Variants in MITF observed in about 807,000 individuals in gnomAD.
MITF encodes the protein microphthalmia-associated transcription factor.
A neutral mutation model predicts 60.5 loss-of-function variants in MITF; 17 were observed. That is an observed-to-expected ratio of 0.28 (90% CI 0.19 to 0.42). The LOEUF (loss-of-function observed/expected upper bound fraction) is 0.42, where lower values mean the gene tolerates loss of function less well. Among genes scored for constraint, MITF ranks in the 10% least tolerant of loss-of-function variants. MITF has a pLI of 1.00. For missense variants in MITF, 622 were observed against 683.5 expected, an observed-to-expected ratio of 0.91 and a Z score of 1.00; for synonymous variants, 260 against 248.5, an observed-to-expected ratio of 1.05 and a Z score of -0.43.
chr3:69,801,399 T>C (rs1164061464), intron 1 of MITF, among the ~76,000 whole-genome samples: 1 of 152,204 alleles, frequency 6.6e-6, no homozygotes, highest in Non-Finnish European at 1.5e-5. Context: ...ACTGTGACAA[T>C]GTCAAATCAA....
chr3:69,810,010 A>G (rs2063075465), intron 1 of MITF, among the ~76,000 whole-genome samples: 1 of 152,082 alleles, frequency 6.6e-6, no homozygotes. Flanking sequence ...TGAGGTGAGG[A>G]AGGATGTTGT....
At chr3:69,844,832 C>T (rs978700232) in intron 1 of MITF, among the ~76,000 whole-genome samples, 14 of 152,032 alleles carry the variant, frequency 9.2e-5, no homozygotes, top group Non-Finnish European at 1.6e-4. Flanking sequence ...CAATTTCACA[C>T]AAGTGTGTTT....
chr3:69,794,999 T>C (rs1166646423), intron 1 of MITF, among the ~76,000 whole-genome samples: 1 of 152,202 alleles, frequency 6.6e-6, no homozygotes, highest in Non-Finnish European at 1.5e-5. Context: ...TCAATCTTTC[T>C]ACTCATTATG....
chr3:69,768,495 A>G (rs2062337212), intron 1 of MITF, among the ~76,000 whole-genome samples: 1 of 152,250 alleles, frequency 6.6e-6, no homozygotes, highest in Non-Finnish European at 1.5e-5. Context: ...GATATTTTAC[A>G]TGGAAGAATC....
At chr3:69,941,449 A>G in intron 5 of MITF, 118 bp downstream of exon 5, 1 of 668,458 alleles carries the variant, frequency 1.5e-6, no homozygotes, top group Non-Finnish European at 2.6e-6. Flanking sequence ...TATTAATAGT[A>G]AAATGGAGAA....
In MITF at chr3:69,937,811, G is replaced by T; in HGVS notation, c.355-11G>T. ...AGCGCTGTTTTCTTTTCCCTCCATGGCTATGTTCAGGTGCAGACCCACCTC... is the reference window on the plus strand; with the variant it reads ...AGCGCTGTTTTCTTTTCCCTCCATGTCTATGTTCAGGTGCAGACCCACCTC... On this transcript the variant is annotated splice_polypyrimidine_tract_variant and intron_variant, in intron 2 of 9. Transcript: ENST00000352241. 1 of 1,611,914 alleles carries T rather than the reference G, an allele frequency of 6.2e-7. No homozygotes were observed. Among genetic ancestry groups the T allele is most frequent in the South Asian group, 1.1e-5 (1 of 90,964 alleles).
intron 2 of MITF, among the ~76,000 whole-genome samples, chr3:69,928,192 C>T (rs921488920): frequency 2.6e-5 from 4 of 152,114 alleles, no homozygotes; most frequent in African/African-American, 9.7e-5. Context: ...ATCTTTGTCC[C>T]GTATCTGATC....
chr3:69,760,362 A>G (rs1422585155), intron 1 of MITF, among the ~76,000 whole-genome samples: 4 of 152,208 alleles, frequency 2.6e-5, no homozygotes, highest in African/African-American at 9.6e-5. Flanking sequence ...TGCTCAGGAA[A>G]GAGTTCAAGA....
rs968317564 is a variant in MITF at position 69,826,171 on chromosome 3, C to T, written c.105-52963C>T. ...AGGTAAACTAATTGAACATTACCTG[C>T]ACCCTAGATGCTTCCTTCCTGTGCC... On this transcript the variant is annotated intron_variant, in intron 1 of 9. Coordinates refer to ENST00000352241, the MANE Select transcript of MITF (RefSeq NM_001354604.2). 3.4e-4 allele frequency among the ~76,000 whole-genome samples: 51 copies of T among 152,198 alleles called. 1 individual carries two copies. The highest frequency in any genetic ancestry group is 8.8e-5 in the Non-Finnish European group (6 of 68,038).
intron 7 of MITF, among the ~76,000 whole-genome samples, chr3:69,955,425 A>G (rs530021606): frequency 1.3e-5 from 2 of 152,288 alleles, no homozygotes; most frequent in Non-Finnish European, 2.9e-5. Flanking sequence ...TTAAACTTAT[A>G]TGTAAATTAT....
chr3:69,769,300 A>G (rs1333741841), intron 1 of MITF, among the ~76,000 whole-genome samples: 1 of 152,188 alleles, frequency 6.6e-6, no homozygotes, highest in East Asian at 1.9e-4. Context: ...TTATGCACAC[A>G]TAGGGTTTTC....
intron 1 of MITF, among the ~76,000 whole-genome samples, chr3:69,744,379 A>G (rs1234457776): frequency 1.3e-5 from 2 of 151,862 alleles, no homozygotes; most frequent in African/African-American, 2.4e-5. Flanking sequence ...TGAGGGAACC[A>G]CTAGCATAGA....
chr3:69,902,982 C>T (rs900689669), intron 2 of MITF, among the ~76,000 whole-genome samples: 3 of 151,812 alleles, frequency 2.0e-5, no homozygotes, highest in Admixed American at 6.6e-5. Context: ...TACTTTCTAT[C>T]GTGTTTTATT....
chr3:69,889,371 C>T (rs781677138), intron 2 of MITF, among the ~76,000 whole-genome samples: 13 of 151,458 alleles, frequency 8.6e-5, no homozygotes, highest in Non-Finnish European at 1.0e-4. Context: ...TAATAATACT[C>T]GCCCTGGGGA....
chr3:69,758,919 T>C (rs2062169974), intron 1 of MITF, among the ~76,000 whole-genome samples: 1 of 152,216 alleles, frequency 6.6e-6, no homozygotes, highest in Non-Finnish European at 1.5e-5. Flanking sequence ...GGGATAACTG[T>C]GAGGATTATA....
At chr3:69,837,624 A>G (rs12330279) in intron 1 of MITF, among the ~76,000 whole-genome samples, 50,759 of 152,094 alleles carry the variant, frequency 0.33, 9,571 homozygotes, top group Non-Finnish European at 0.43. Context: ...GGTCTGAAGT[A>G]TCTTATCTTC....
intron 2 of MITF, among the ~76,000 whole-genome samples, chr3:69,881,733 T>C (rs1345916862): frequency 1.3e-5 from 2 of 152,144 alleles, no homozygotes; most frequent in African/African-American, 4.8e-5. Context: ...TGCTTAATCT[T>C]GGACCATTTA....
chr3:69,853,998 C>T (rs927115934), intron 1 of MITF, among the ~76,000 whole-genome samples: 1 of 151,816 alleles, frequency 6.6e-6, no homozygotes, highest in Middle Eastern at 3.2e-3. Flanking sequence ...TACAGGTGCA[C>T]GCCACCACGC....
Position 69,762,188 on chromosome 3 carries a change from A to G in MITF, c.104+22487A>G, listed in dbSNP as rs73838665. On this transcript the variant is annotated intron_variant, in intron 1 of 9. Coordinates refer to ENST00000352241, the MANE Select transcript of MITF (RefSeq NM_001354604.2). ...AGTTAAATATTTTCAATAAAAGGATATAATGATCTAGCAGAGAAGAAGTTA... is the reference window on the plus strand; with the variant it reads ...AGTTAAATATTTTCAATAAAAGGATGTAATGATCTAGCAGAGAAGAAGTTA... Among the ~76,000 whole-genome samples, 396 of 152,340 alleles carry G rather than the reference A, an allele frequency of 2.6e-3. 4 individuals carry two copies. The highest frequency in any genetic ancestry group is 9.1e-3 in the African/African-American group (378 of 41,574).
Sources: allele counts gnomAD v4.1 joint callset (sites outside exome capture counted in the v4.1 genomes callset), GRCh38; gene constraint gnomAD v4.1.1; transcripts MANE v1.5; gene names NCBI Gene and HGNC (gene_info 2026-07-23, HGNC 2026-07-21).